Variants in BLOC1S3 observed in about 807,000 individuals in gnomAD.
BLOC1S3 encodes biogenesis of lysosomal organelles complex 1 subunit 3.
A neutral mutation model predicts 9.1 loss-of-function variants in BLOC1S3; 7 were observed. The observed-to-expected ratio is 0.77, with a 90% CI of 0.44 to 1.45. The LOEUF is 1.45. Among genes scored for constraint, BLOC1S3 ranks in the 40% most tolerant of loss-of-function variants. The pLI is 0.01. For missense variants in BLOC1S3, 307 were observed against 315.2 expected, an observed-to-expected ratio of 0.97 and a Z score of 0.20; for synonymous variants, 145 against 158.4, an observed-to-expected ratio of 0.92 and a Z score of 0.64.
chr19:45,214,440 A>C (rs890353483), intron 3 of BLOC1S3, among the ~76,000 whole-genome samples: 6 of 151,372 alleles, frequency 4.0e-5, no homozygotes, highest in African/African-American at 1.5e-4. Context: ...CTGATCTGGT[A>C]CACTAGTTTT....
chr19:45,179,856 G>A lies in BLOC1S3; in HGVS notation c.560G>A (p.Arg187His), dbSNP rs1237790480. 2 of 1,609,378 alleles carry A rather than the reference G, an allele frequency of 1.2e-6. No homozygotes were observed. The highest frequency in any genetic ancestry group is 3.3e-5 in the Admixed American group (2 of 59,900). ...GGCTGCCGCCTGCTGCCGGACATCC[G>A]CGGCGTGCCAGGGACCGAGCCTGAG... is the stretch of plus-strand genomic sequence containing the variant. ...VAGCRLLPDI[R>H]GVPGTEPEKD... is the part of the protein sequence containing the mutation. Residue 187 changes from arginine (R) to histidine (H), a missense_variant, in exon 2 of 2, where the codon CGC becomes CAC. Physicochemically the swap from Arg to His is conservative, Grantham distance 29. Transcript: ENST00000433642. This position sits in a 1 kb window ranked among gnomAD's most constrained non-coding sequence, Gnocchi z 4.6.
chr19:45,209,722 A>T (rs187642654), intron 3 of BLOC1S3, among the ~76,000 whole-genome samples: 1 of 143,278 alleles, frequency 7.0e-6, no homozygotes, highest in African/African-American at 2.6e-5. Flanking sequence ...TGCCCGGCCT[A>T]TTTTATTTTT....
At chr19:45,193,132 C>CAAAAAAAAAAAAA (rs71173123) in intron 2 of BLOC1S3, among the ~76,000 whole-genome samples, 5 of 77,928 alleles carry the variant, frequency 6.4e-5, no homozygotes, top group Admixed American at 3.4e-4. Context: ...AACTCCGTCT[C>CAAAAAAAAAAAAA]AAAAAAAAAA....
chr19:45,201,124 G>A (rs369890710), intron 2 of BLOC1S3, among the ~76,000 whole-genome samples: 5 of 151,748 alleles, frequency 3.3e-5, no homozygotes, highest in Admixed American at 6.6e-5. Context: ...AATCACTTGC[G>A]CATGGGAGGT....
At chr19:45,184,134 T>A (rs1229748672), downstream of BLOC1S3, among the ~76,000 whole-genome samples, 1 of 152,010 alleles carries the variant, frequency 6.6e-6, no homozygotes, top group Non-Finnish European at 1.5e-5. Context: ...TTCCTTCCTT[T>A]CTTTCGGTGG....
intron 2 of BLOC1S3, among the ~76,000 whole-genome samples, chr19:45,192,506 TCAC>T (rs984519472): frequency 1.3e-5 from 2 of 152,164 alleles, no homozygotes; most frequent in African/African-American, 4.8e-5. Context: ...CTCCCCGTAG[TCAC>T]CACGTCAGGG....
At chr19:45,194,300 A>G (rs921404880) in intron 2 of BLOC1S3, among the ~76,000 whole-genome samples, 2 of 150,736 alleles carry the variant, frequency 1.3e-5, no homozygotes, top group Non-Finnish European at 2.9e-5. Context: ...TTTAGTAGAG[A>G]TGGGGTTTCA....
chr19:45,201,159 C>T (rs1969687906), intron 2 of BLOC1S3, among the ~76,000 whole-genome samples: 1 of 149,264 alleles, frequency 6.7e-6, no homozygotes, highest in Non-Finnish European at 1.5e-5. Flanking sequence ...GTGGAGATTG[C>T]AGCACTGCAT....
chr19:45,202,233 A>G (rs1020121581), intron 2 of BLOC1S3, among the ~76,000 whole-genome samples: 1 of 147,748 alleles, frequency 6.8e-6, no homozygotes, highest in Non-Finnish European at 1.5e-5. Flanking sequence ...AAAAAAAAAA[A>G]AAAAGACGTG....
chr19:45,185,664 G>GT (rs1377600705), downstream of BLOC1S3, among the ~76,000 whole-genome samples: 3 of 151,958 alleles, frequency 2.0e-5, no homozygotes, highest in Non-Finnish European at 4.4e-5. Flanking sequence ...CTGCTATAGA[G>GT]GGGCCTTTGG....
At chr19:45,211,735 G>A (rs1435830748) in intron 3 of BLOC1S3, among the ~76,000 whole-genome samples, 4 of 151,560 alleles carry the variant, frequency 2.6e-5, no homozygotes, top group Non-Finnish European at 4.4e-5. Flanking sequence ...AAATGTGCAT[G>A]CGTGAAGTTC....
intron 3 of BLOC1S3, chr19:45,216,116 G>GGATGCT: frequency 1.9e-6 from 3 of 1,613,992 alleles, no homozygotes; most frequent in Non-Finnish European, 2.5e-6. Context: ...ACCTCCACCT[G>GGATGCT]GATGCTGGGC....
downstream of BLOC1S3, among the ~76,000 whole-genome samples, chr19:45,184,431 C>A (rs2122894247): frequency 6.6e-6 from 1 of 152,142 alleles, no homozygotes; most frequent in South Asian, 2.1e-4. Flanking sequence ...TATAGCGAGA[C>A]CCCATCTCTA....
downstream of BLOC1S3, among the ~76,000 whole-genome samples, chr19:45,185,798 G>A (rs950815929): frequency 1.3e-4 from 20 of 151,740 alleles, no homozygotes; most frequent in Non-Finnish European, 2.6e-4. Context: ...AGGCAGGGAC[G>A]AGTTTGTGCT....
chr19:45,197,929 G>A (rs1466430361), intron 2 of BLOC1S3, among the ~76,000 whole-genome samples: 1 of 151,624 alleles, frequency 6.6e-6, no homozygotes, highest in Non-Finnish European at 1.5e-5. Flanking sequence ...GAACAAGTCA[G>A]AGTTTGCAGG....
chr19:45,212,328 C>T (rs924774555), intron 3 of BLOC1S3, among the ~76,000 whole-genome samples: 23 of 152,326 alleles, frequency 1.5e-4, no homozygotes, highest in African/African-American at 4.3e-4. Flanking sequence ...CCTGCTTCCC[C>T]GGTCCTTCCT....
chr19:45,213,940 C>T (rs888575639), intron 3 of BLOC1S3, among the ~76,000 whole-genome samples: 41 of 151,818 alleles, frequency 2.7e-4, no homozygotes, highest in Admixed American at 2.4e-3. Flanking sequence ...GGTGACACAG[C>T]GAGACTCCAT....
At chr19:45,183,117 G>A (rs1969538687), downstream of BLOC1S3, among the ~76,000 whole-genome samples, 1 of 152,102 alleles carries the variant, frequency 6.6e-6, no homozygotes, top group Admixed American at 6.6e-5. Context: ...AGAAGTGTGG[G>A]GTGGTTGTGG....
intron 2 of BLOC1S3, among the ~76,000 whole-genome samples, chr19:45,200,643 G>T (rs1000872706): frequency 6.6e-6 from 1 of 152,142 alleles, no homozygotes; most frequent in Non-Finnish European, 1.5e-5. Context: ...GTCACAATGG[G>T]GTTGGTCACT....
Sources: allele counts gnomAD v4.1 joint callset (sites outside exome capture counted in the v4.1 genomes callset), GRCh38; gene constraint gnomAD v4.1.1; non-coding constraint Gnocchi (gnomAD v3.1); transcripts MANE v1.5; gene names NCBI Gene and HGNC (gene_info 2026-07-23, HGNC 2026-07-21).